GRM7: variants seen among roughly 807,000 people sequenced by gnomAD.
GRM7 encodes the protein metabotropic glutamate receptor 7.
A neutral mutation model predicts 84.5 loss-of-function variants in GRM7; 35 were observed. The observed-to-expected ratio is 0.41, with a 90% CI of 0.32 to 0.55. The LOEUF is 0.55. GRM7 is among the 20% of genes least tolerant of loss of function. The pLI is 0.19. For missense variants in GRM7, 1,003 were observed against 1,194.6 expected (o/e 0.84, Z 2.36); for synonymous variants, 487 against 455.1 (o/e 1.07, Z -0.89).
chr3:7,597,031 C>T (rs1039970725), intron 8 of GRM7, among the ~76,000 whole-genome samples: 1 of 152,026 alleles, frequency 6.6e-6, no homozygotes, highest in Non-Finnish European at 1.5e-5. Context: ...TGTCTTAGGC[C>T]ATTATTATTC....
intron 7 of GRM7, among the ~76,000 whole-genome samples, chr3:7,510,269 C>T (rs1700159640): frequency 6.6e-6 from 1 of 152,080 alleles, no homozygotes; most frequent in African/African-American, 2.4e-5. Context: ...GTCTTTTGAA[C>T]ATTCAGGCTC....
intron 2 of GRM7, among the ~76,000 whole-genome samples, chr3:7,147,912 CT>C (rs1694160723): frequency 6.6e-6 from 1 of 152,162 alleles, no homozygotes; most frequent in South Asian, 2.1e-4. Flanking sequence ...TGGTCTTAAA[CT>C]TCTAGTGTCT....
intron 8 of GRM7, among the ~76,000 whole-genome samples, chr3:7,671,800 G>A (rs1699929211): frequency 6.6e-6 from 1 of 151,918 alleles, no homozygotes; most frequent in Non-Finnish European, 1.5e-5. Flanking sequence ...ATGTGACAGG[G>A]ACTGTGTTAC....
intron 2 of GRM7, among the ~76,000 whole-genome samples, chr3:7,189,376 C>T (rs1456892368): frequency 1.3e-5 from 2 of 152,118 alleles, no homozygotes; most frequent in East Asian, 3.9e-4. Flanking sequence ...TTATCCTTTC[C>T]AATGAATGTG....
chr3:7,058,680 T>C (rs1394616630), intron 1 of GRM7, among the ~76,000 whole-genome samples: 1 of 151,868 alleles, frequency 6.6e-6, no homozygotes, highest in African/African-American at 2.4e-5. Flanking sequence ...GCAGAAAGGG[T>C]ACACTCGCCA....
chr3:6,863,128 T>C lies in GRM7; in HGVS notation c.519+1221T>C. 3.0e-6 allele frequency: 1 copy of C among 337,168 alleles called. No individual in the cohort carries two copies. The highest frequency in any genetic ancestry group is 1.0e-4 in the East Asian group (1 of 9,832). 20.9% of individuals were successfully genotyped at this position (337,168 alleles called of 1,614,324 possible). ...TTTCTGTCTCTGTCTCCTTGCTGTT[T>C]TTTTTTTCTCTCTGTTTTTTCTCTC... On this transcript the variant is annotated intron_variant, in intron 1 of 9. Transcript: ENST00000357716. This position sits in a 1 kb window ranked among gnomAD's most constrained non-coding sequence, Gnocchi z 4.8.
chr3:6,987,756 G>C (rs1238333032), intron 1 of GRM7, among the ~76,000 whole-genome samples: 1 of 152,184 alleles, frequency 6.6e-6, no homozygotes, highest in East Asian at 1.9e-4. Context: ...AGTGGCTGCT[G>C]TATGAAGAGT....
chr3:7,339,176 C>T (rs1575187840), intron 4 of GRM7, among the ~76,000 whole-genome samples: 1 of 152,052 alleles, frequency 6.6e-6, no homozygotes, highest in Non-Finnish European at 1.5e-5. Context: ...CTAGAGAAAT[C>T]CACTTTATCC....
chr3:6,913,415 A>G (rs554090374), intron 1 of GRM7, among the ~76,000 whole-genome samples: 9 of 152,296 alleles, frequency 5.9e-5, no homozygotes, highest in Admixed American at 4.6e-4. Context: ...AACTTAGAAA[A>G]GTTGGAATTT....
chr3:7,134,855 A>G (rs1693721505), intron 1 of GRM7, among the ~76,000 whole-genome samples: 1 of 152,210 alleles, frequency 6.6e-6, no homozygotes, highest in Non-Finnish European at 1.5e-5. Flanking sequence ...AATACCACAT[A>G]TAACAATACC....
chr3:7,441,573 T>C (rs1298069068), intron 5 of GRM7, among the ~76,000 whole-genome samples: 1 of 152,122 alleles, frequency 6.6e-6, no homozygotes, highest in Non-Finnish European at 1.5e-5. Flanking sequence ...ATATCTAGAA[T>C]GATATTTCCA....
chr3:7,728,429 G>T (rs1009982848), intron 9 of GRM7, among the ~76,000 whole-genome samples: 2 of 152,100 alleles, frequency 1.3e-5, no homozygotes, highest in Admixed American at 1.3e-4. Context: ...TAATTTTGTT[G>T]TAACTGAAAG....
At chr3:7,572,292 C>T (rs1400928644) in intron 7 of GRM7, among the ~76,000 whole-genome samples, 1 of 152,126 alleles carries the variant, frequency 6.6e-6, no homozygotes, top group African/African-American at 2.4e-5. Flanking sequence ...TATTTCTTGC[C>T]CCTCAGAGAT....
intron 4 of GRM7, among the ~76,000 whole-genome samples, chr3:7,408,949 A>G (rs999263158): frequency 1.3e-5 from 2 of 152,174 alleles, no homozygotes; most frequent in Non-Finnish European, 2.9e-5. Flanking sequence ...TTATTAGACA[A>G]TTATTAAAAC....
chr3:7,335,899 G>A (rs116375617), intron 4 of GRM7, among the ~76,000 whole-genome samples: 11,920 of 151,902 alleles, frequency 0.078, 489 homozygotes, highest in Non-Finnish European at 0.09. Context: ...CAGTGATACC[G>A]AAATGGTAAT....
intron 4 of GRM7, among the ~76,000 whole-genome samples, chr3:7,330,803 A>G (rs1238407747): frequency 6.6e-6 from 1 of 152,204 alleles, no homozygotes; most frequent in Non-Finnish European, 1.5e-5. Flanking sequence ...GTAAAAACAG[A>G]CTAATACCCC....
chr3:6,889,015 T>A (rs1464604487), intron 1 of GRM7, among the ~76,000 whole-genome samples: 1 of 152,200 alleles, frequency 6.6e-6, no homozygotes, highest in African/African-American at 2.4e-5. Flanking sequence ...AGTTCACTCA[T>A]GATTTGGCTC....
At chr3:7,142,121 C>T (rs185158008) in intron 1 of GRM7, among the ~76,000 whole-genome samples, 470 of 151,756 alleles carry the variant, frequency 3.1e-3, no homozygotes, top group Middle Eastern at 0.01. Flanking sequence ...GAATGTTAGG[C>T]TTAGGTTAGG....
chr3:7,356,920 T>TCTCACA (rs1335613234), intron 4 of GRM7, among the ~76,000 whole-genome samples: 2 of 131,256 alleles, frequency 1.5e-5, no homozygotes, highest in African/African-American at 2.9e-5. Context: ...GCCTTTTTGA[T>TCTCACA]CACACACACA....
Sources: gnomAD v4.1 joint callset for allele counts (sites outside exome capture counted in the v4.1 genomes callset) on GRCh38, gnomAD v4.1.1 for gene constraint, Gnocchi (gnomAD v3.1) non-coding constraint, MANE v1.5 for transcripts, NCBI Gene and HGNC (gene_info 2026-07-23, HGNC 2026-07-21) for gene names.